The following UBE4B variants were observed in gnomAD, a reference collection of about 807,000 sequenced individuals.
The protein encoded by UBE4B is ubiquitin conjugation factor E4 B.
UBE4B carries 27 observed loss-of-function variants against 148.1 expected under a neutral mutation model. The observed-to-expected ratio is 0.18, with a 90% CI of 0.13 to 0.25. The LOEUF (loss-of-function observed/expected upper bound fraction) is 0.25. Among genes scored for constraint, UBE4B ranks in the 10% least tolerant of loss-of-function variants. The pLI is 1.00. For synonymous variants in UBE4B, 596 were observed against 619.3 expected (o/e 0.96, Z 0.56); for missense variants, 1,170 against 1,662.4 (o/e 0.70, Z 5.15).
At chr1:10,047,755 G>A (rs1643943066) in intron 1 of UBE4B, among the ~76,000 whole-genome samples, 1 of 152,160 alleles carries the variant, frequency 6.6e-6, no homozygotes, top group African/African-American at 2.4e-5. Context: ...GCCTCCCAGA[G>A]TGCTGGGATT....
intron 24 of UBE4B, among the ~76,000 whole-genome samples, chr1:10,169,553 G>A (rs952713843): frequency 6.6e-6 from 1 of 152,188 alleles, no homozygotes; most frequent in Non-Finnish European, 1.5e-5. Flanking sequence ...CAAGGCCATG[G>A]AGCATGAAAC....
Position 10,149,216 on chromosome 1 carries a change from A to G in UBE4B, c.2624A>G (p.Lys875Arg), listed in dbSNP as rs777281743. Reference sequence around the variant, plus strand: ...CTGCCTTTAAATTCAGATGTCCCCAAGGTATTTGCAGCGTTGCCTGAGTTT... The same window carrying G: ...CTGCCTTTAAATTCAGATGTCCCCAGGGTATTTGCAGCGTTGCCTGAGTTT... ...ITLPLNSDVP[K>R]VFAALPEFYV... is the part of the protein sequence containing the mutation. Residue 875 changes from lysine to arginine, a missense_variant, in exon 20 of 28, where the codon AAG becomes AGG. Around this residue, in one of 6 missense-constraint regions of UBE4B, gnomAD observed 348 missense variants for 627.2 expected, o/e 0.55. Coordinates refer to ENST00000343090, the MANE Select transcript of UBE4B (RefSeq NM_001105562.3). 5 of 1,610,314 alleles carry G rather than the reference A, an allele frequency of 3.1e-6. No individual in the cohort carries two copies. The highest frequency in any genetic ancestry group is 2.2e-5 in the East Asian group (1 of 44,754).
chr1:10,124,194 C>T (rs879027192), intron 10 of UBE4B, among the ~76,000 whole-genome samples: 2 of 151,900 alleles, frequency 1.3e-5, no homozygotes, highest in Admixed American at 1.3e-4. Context: ...GTGAGTCTCT[C>T]TCTGTTACCC....
At chr1:10,111,044 GACACACACACACACACAC>G (rs55936075) in intron 7 of UBE4B, among the ~76,000 whole-genome samples, 8,252 of 113,420 alleles carry the variant, frequency 0.073, 449 homozygotes, top group East Asian at 0.28. Context: ...CTCTGTCTCT[GACACACACACACACACAC>G]ACACACACAC....
At chr1:10,175,694 A>T (rs868203827) in intron 25 of UBE4B, among the ~76,000 whole-genome samples, 5 of 152,124 alleles carry the variant, frequency 3.3e-5, no homozygotes, top group South Asian at 4.1e-4. Flanking sequence ...AATAAAAAAA[A>T]TAAAAATCCC....
rs541780640 is a variant in UBE4B, at chr1:10,172,920, C to T, written c.3525+1591C>T. 1.0e-3 allele frequency among the ~76,000 whole-genome samples: 158 copies of T among 152,314 alleles called. 1 individual carries two copies. Among genetic ancestry groups the T allele is most frequent in the African/African-American group, 3.7e-3 (153 of 41,570 alleles). On this transcript the variant is annotated intron_variant, in intron 25 of 27. Coordinates refer to ENST00000343090, the MANE Select transcript of UBE4B (RefSeq NM_001105562.3). ...GTTTAGAATACTCACCATTGTGTTA[C>T]AACTGCCGACAGGATTCAGTACAGT... is the stretch of plus-strand genomic sequence containing the variant.
intron 1 of UBE4B, among the ~76,000 whole-genome samples, chr1:10,055,110 T>C (rs1644137712): frequency 6.6e-6 from 1 of 152,124 alleles, no homozygotes; most frequent in African/African-American, 2.4e-5. Context: ...ACAGATGTCC[T>C]TGTGCCAAAA....
rs61782898 is a variant in UBE4B, at chr1:10,071,810, C to A, written c.25-218C>A. On this transcript the variant is annotated intron_variant, in intron 1 of 27. Transcript: ENST00000343090. Reference sequence around the variant, plus strand: ...CCTCCCAAGTAGCTGAGACTATAGGCAGGCACCGCTGAACCTGGCCAAAAT... The same window carrying A: ...CCTCCCAAGTAGCTGAGACTATAGGAAGGCACCGCTGAACCTGGCCAAAAT... Among the ~76,000 whole-genome samples, 770 of 152,268 alleles carry A rather than the reference C, an allele frequency of 5.1e-3. 6 individuals carry two copies. Among genetic ancestry groups the A allele is most frequent in the African/African-American group, 0.017 (712 of 41,560 alleles).
chr1:10,175,889 G>C (rs1366943088), intron 25 of UBE4B, among the ~76,000 whole-genome samples: 1 of 151,962 alleles, frequency 6.6e-6, no homozygotes. Flanking sequence ...ACCATTTTGT[G>C]GCATGTAGTA....
intron 2 of UBE4B, among the ~76,000 whole-genome samples, chr1:10,091,406 T>C (rs1019756314): frequency 6.6e-6 from 1 of 152,122 alleles, no homozygotes; most frequent in African/African-American, 2.4e-5. Context: ...GATTTCTAAA[T>C]AAAATCAAAG....
intron 25 of UBE4B, among the ~76,000 whole-genome samples, chr1:10,172,147 G>A (rs1291766487): frequency 6.6e-6 from 1 of 152,022 alleles, no homozygotes; most frequent in African/African-American, 2.4e-5. Flanking sequence ...TTATTCCGTG[G>A]GTCTCCTGTG....
chr1:10,035,686 G>A (rs1231987246), intron 1 of UBE4B, among the ~76,000 whole-genome samples: 1 of 150,694 alleles, frequency 6.6e-6, no homozygotes, highest in Non-Finnish European at 1.5e-5. Flanking sequence ...GATTACAGGC[G>A]TGAGCCACCG....
intron 23 of UBE4B, among the ~76,000 whole-genome samples, chr1:10,166,962 C>A (rs1399387152): frequency 7.1e-6 from 1 of 141,776 alleles, no homozygotes; most frequent in Admixed American, 6.9e-5. Flanking sequence ...CACACACACA[C>A]ACACACACAA....
chr1:10,102,931 A>G lies in UBE4B; in HGVS notation c.436-17A>G, dbSNP rs1213667897. The G allele has an allele frequency of 6.3e-6, 10 of 1,592,592 alleles. No homozygotes were observed. Among genetic ancestry groups the G allele is most frequent in the Non-Finnish European group, 8.6e-6 (10 of 1,165,326 alleles). On this transcript the variant is annotated splice_polypyrimidine_tract_variant and intron_variant, in intron 4 of 27. Transcript: ENST00000343090. ...CCTCTTATTTGAAATTAACCTGCAA[A>G]TCTTCTTCTTCACCAGGAGCCTTCC...
intron 1 of UBE4B, among the ~76,000 whole-genome samples, chr1:10,046,808 C>T (rs1168081514): frequency 1.3e-5 from 2 of 152,200 alleles, no homozygotes; most frequent in Non-Finnish European, 2.9e-5. Context: ...TTCAACCCTA[C>T]TTAGCCCCAA....
intron 24 of UBE4B, among the ~76,000 whole-genome samples, chr1:10,170,203 G>A (rs1403798928): frequency 6.6e-6 from 1 of 152,058 alleles, no homozygotes; most frequent in Admixed American, 6.6e-5. Context: ...TTTAAGGTTT[G>A]CATTTTCACC....
chr1:10,059,647 A>T (rs566488137), intron 1 of UBE4B: 14 of 165,946 alleles, frequency 8.4e-5, no homozygotes, highest in Non-Finnish European at 1.9e-4. Context: ...GCTTAGGGCA[A>T]GGCCGAGGCG....
At chr1:10,128,008 G>C (rs578134092) in intron 11 of UBE4B, among the ~76,000 whole-genome samples, 1 of 152,328 alleles carries the variant, frequency 6.6e-6, no homozygotes, top group South Asian at 2.1e-4. Flanking sequence ...TTATGCCAGA[G>C]CTCTTTCCAT....
intron 17 of UBE4B, among the ~76,000 whole-genome samples, chr1:10,139,293 T>TAGC (rs1386747992): frequency 6.6e-6 from 1 of 151,890 alleles, no homozygotes; most frequent in Non-Finnish European, 1.5e-5. Flanking sequence ...TGGGAGGCTA[T>TAGC]AGCAGGAGAG....
Sources: allele counts gnomAD v4.1 joint callset (sites outside exome capture counted in the v4.1 genomes callset), GRCh38; gene constraint gnomAD v4.1.1; regional missense constraint gnomAD v4.1.1; transcripts MANE v1.5; gene names NCBI Gene and HGNC (gene_info 2026-07-23, HGNC 2026-07-21).